Variants in SLC2A9 observed in about 807,000 individuals in gnomAD.
SLC2A9 encodes the protein solute carrier family 2, facilitated glucose transporter member 9.
A neutral mutation model predicts 50.6 loss-of-function variants in SLC2A9; 39 were observed. The ratio of observed to expected loss-of-function variants is 0.77; its 90% CI spans 0.60 to 1.01. The LOEUF is 1.01. Among genes scored for constraint, SLC2A9 ranks in the 50% least tolerant of loss-of-function variants. The pLI is 0.00. For synonymous variants in SLC2A9, 324 were observed against 276.9 expected, an observed-to-expected ratio of 1.17 and a Z score of -1.69; for missense variants, 686 against 677.6, an observed-to-expected ratio of 1.01 and a Z score of -0.14.
In SLC2A9 at chr4:9,908,360, A is replaced by G; in HGVS notation, c.1003-15T>C. ...TAGAACCAAATCTGTAATTCAGGAAAGAATGAGCAGAGAGAATGGTCAGTG... is the reference window on the plus strand; with the variant it reads ...TAGAACCAAATCTGTAATTCAGGAAGGAATGAGCAGAGAGAATGGTCAGTG... On this transcript the variant is annotated splice_polypyrimidine_tract_variant and intron_variant, in intron 7 of 11. Coordinates refer to ENST00000264784, the MANE Select transcript of SLC2A9 (RefSeq NM_020041.3). The G allele has an allele frequency of 6.5e-7, 1 of 1,540,092 alleles. No individual in the cohort carries two copies. Among genetic ancestry groups the G allele is most frequent in the Non-Finnish European group, 9.0e-7 (1 of 1,111,630 alleles).
chr4:9,897,479 T>C (rs1007357797), intron 8 of SLC2A9, among the ~76,000 whole-genome samples: 3 of 152,158 alleles, frequency 2.0e-5, no homozygotes, highest in African/African-American at 7.2e-5. Flanking sequence ...GTTAAAAAAA[T>C]GTGACCTTGT....
At chr4:9,961,523 C>T (rs1445257677) in intron 5 of SLC2A9, among the ~76,000 whole-genome samples, 1 of 152,088 alleles carries the variant, frequency 6.6e-6, no homozygotes, top group Non-Finnish European at 1.5e-5. Context: ...GAAACTGGAC[C>T]CCTTCCTTAC....
chr4:9,947,361 C>T (rs1384307385), intron 5 of SLC2A9, among the ~76,000 whole-genome samples: 1 of 152,194 alleles, frequency 6.6e-6, no homozygotes, highest in Non-Finnish European at 1.5e-5. Flanking sequence ...AGGGTCAAGG[C>T]TGCTCTGCAT....
chr4:9,806,469 G>C (rs1722130281), intron 3 of SLC2A9, among the ~76,000 whole-genome samples: 1 of 152,148 alleles, frequency 6.6e-6, no homozygotes, highest in African/African-American at 2.4e-5. Flanking sequence ...TAAATATGTG[G>C]GTAAATCTCT....
chr4:9,880,994 A>G (rs1735105650), intron 10 of SLC2A9, among the ~76,000 whole-genome samples: 1 of 152,228 alleles, frequency 6.6e-6, no homozygotes, highest in Non-Finnish European at 1.5e-5. Flanking sequence ...TTAGTGCAAC[A>G]GCCAAGACGC....
At chr4:9,782,794 G>A (rs1278334898) in intron 3 of SLC2A9, 2 of 1,613,928 alleles carry the variant, frequency 1.2e-6, no homozygotes, top group Non-Finnish European at 1.7e-6. Flanking sequence ...CCCAGGTGCA[G>A]ATCCGCAGGA....
intron 5 of SLC2A9, among the ~76,000 whole-genome samples, chr4:9,977,590 G>T (rs1755018405): frequency 8.2e-6 from 1 of 121,574 alleles, no homozygotes; most frequent in Non-Finnish European, 1.6e-5. Flanking sequence ...GAGTTTTTCT[G>T]CCTCTGAACA....
At chr4:9,908,561 AT>A (rs1560283020) in intron 7 of SLC2A9, among the ~76,000 whole-genome samples, 2 of 140,992 alleles carry the variant, frequency 1.4e-5, no homozygotes, top group African/African-American at 5.5e-5. Flanking sequence ...TTATATATAT[AT>A]TTTATTATAC....
chr4:9,898,515 G>C (rs947277341), intron 8 of SLC2A9, among the ~76,000 whole-genome samples: 4 of 152,106 alleles, frequency 2.6e-5, no homozygotes, highest in Admixed American at 2.6e-4. Context: ...ACTGCATGCG[G>C]TACTCCGTGC....
At chr4:9,845,427 CTTTT>C (rs1175166447) in intron 10 of SLC2A9, among the ~76,000 whole-genome samples, 5 of 108,692 alleles carry the variant, frequency 4.6e-5, no homozygotes, top group Non-Finnish European at 7.2e-5. Context: ...TCATCAATTT[CTTTT>C]TTTTTTTTTT....
rs1755587624 is a variant in SLC2A9, at chr4:9,980,698, A to G, written c.575T>C (p.Ile192Thr). 6.2e-7 allele frequency: 1 copy of G among 1,614,150 alleles called. No homozygotes were observed. Among genetic ancestry groups the G allele is most frequent in the Non-Finnish European group, 8.5e-7 (1 of 1,180,022 alleles). Residue 192 changes from isoleucine (I) to threonine (T), a missense_variant, in exon 5 of 12, where the codon ATC becomes ACC. By Grantham distance (89) the Ile-to-Thr change is moderately conservative (BLOSUM62 -1). Coordinates refer to ENST00000264784, the MANE Select transcript of SLC2A9 (RefSeq NM_020041.3). ...AGAGCCACGGATCTCCTTGGGTGAG[A>G]TCTCACTAAGGTACATGGGGAGCAC... ...LSVLPMYLSE[I>T]SPKEIRGSLG...
chr4:10,038,992 G>C (rs562295307), intron 1 of SLC2A9, among the ~76,000 whole-genome samples: 1 of 152,332 alleles, frequency 6.6e-6, no homozygotes, highest in Admixed American at 6.5e-5. Context: ...TAGTGTAGAA[G>C]CAGCCGTAGA....
At chr4:10,013,730 G>A (rs1762157532) in intron 2 of SLC2A9, among the ~76,000 whole-genome samples, 2 of 152,302 alleles carry the variant, frequency 1.3e-5, no homozygotes, top group African/African-American at 2.4e-5. Context: ...AGGGCCAACG[G>A]CAGCTACTGC....
intron 10 of SLC2A9, among the ~76,000 whole-genome samples, chr4:9,850,156 C>T (rs1016697295): frequency 5.3e-5 from 8 of 152,070 alleles, no homozygotes; most frequent in Non-Finnish European, 8.8e-5. Context: ...TTCCTGGCCC[C>T]CAGCGACTCC....
rs138262886 is a variant in SLC2A9, at chr4:9,949,751, C to T, written c.682-7706G>A. ...ATCAGGCTGAACCTGTCACACTCCTCTATGGCAGGTCCTATACAGAACTCA... is the reference window on the plus strand; with the variant it reads ...ATCAGGCTGAACCTGTCACACTCCTTTATGGCAGGTCCTATACAGAACTCA... On this transcript the variant is annotated intron_variant, in intron 5 of 11. Coordinates refer to ENST00000264784, the MANE Select transcript of SLC2A9 (RefSeq NM_020041.3). Among the ~76,000 whole-genome samples, 65 of 152,356 alleles carry T rather than the reference C, an allele frequency of 4.3e-4. 1 individual carries two copies. The East Asian group carries it at 0.012, about 27-fold the overall frequency.
Position 9,955,472 on chromosome 4 carries a change from G to A in SLC2A9, c.682-13427C>T, listed in dbSNP as rs1278498535. ...ATTGCGCCACTGCACTCCCGCCTGG[G>A]CCACAGAGCGAGACTCCGTCTCAAA... On this transcript the variant is annotated intron_variant, in intron 5 of 11. Transcript: ENST00000264784. Among the ~76,000 whole-genome samples, 3 of 40,882 alleles carry A rather than the reference G, an allele frequency of 7.3e-5. 1 individual carries two copies. The highest frequency in any genetic ancestry group is 1.4e-4 in the Non-Finnish European group (3 of 21,628). The allele number at this position is 40,882 out of a possible 152,430, so 26.8% of individuals were successfully genotyped here. A position where few individuals can be genotyped will look rare whatever the true frequency, so the allele number is the denominator to read the frequency against.
intron 8 of SLC2A9, among the ~76,000 whole-genome samples, chr4:9,901,781 A>G (rs115219441): frequency 2.0e-5 from 3 of 152,104 alleles, no homozygotes; most frequent in African/African-American, 7.2e-5. Flanking sequence ...TCTGTCCTAG[A>G]GGGAGACCCA....
intron 3 of SLC2A9, among the ~76,000 whole-genome samples, chr4:9,987,057 T>C (rs189947156): frequency 2.0e-5 from 3 of 152,206 alleles, no homozygotes; most frequent in African/African-American, 7.2e-5. Context: ...AGATAGGTAC[T>C]CTTATAATCT....
chr4:9,783,558 C>A (rs972186825), intron 3 of SLC2A9: 40 of 1,174,430 alleles, frequency 3.4e-5, no homozygotes, highest in African/African-American at 4.6e-5. Flanking sequence ...CAGTGCTGCT[C>A]CCTTTATCAT....
Sources: gnomAD v4.1 joint callset for allele counts (sites outside exome capture counted in the v4.1 genomes callset) on GRCh38, gnomAD v4.1.1 for gene constraint, MANE v1.5 for transcripts, NCBI Gene and HGNC (gene_info 2026-07-23, HGNC 2026-07-21) for gene names.